ALKAL1: variants seen among roughly 807,000 people sequenced by gnomAD.
The protein encoded by ALKAL1 is AUG-beta.
In ALKAL1, 23 loss-of-function variants were observed where a neutral mutation model predicts 13.5. The observed-to-expected ratio is 1.70, with a 90% CI of 1.23 to 2.41. ALKAL1 has a LOEUF of 2.41. ALKAL1 is among the 30% of genes most tolerant of loss of function. The pLI, the probability that ALKAL1 is intolerant of heterozygous loss-of-function variation, is 0.00. For missense variants in ALKAL1, 181 were observed against 178.4 expected, an observed-to-expected ratio of 1.01 and a Z score of -0.08; for synonymous variants, 85 against 77.7, an observed-to-expected ratio of 1.09 and a Z score of -0.49.
At chr8:52,562,372 G>T (rs183450585) in intron 1 of ALKAL1, among the ~76,000 whole-genome samples, 1 of 152,270 alleles carries the variant, frequency 6.6e-6, no homozygotes, top group East Asian at 1.9e-4. Context: ...AAGCACAATG[G>T]TCAACAATGT....
intron 1 of ALKAL1, among the ~76,000 whole-genome samples, chr8:52,552,086 C>T (rs773366233): frequency 3.3e-5 from 5 of 152,140 alleles, no homozygotes; most frequent in Non-Finnish European, 7.3e-5. Context: ...TGCACTTAGT[C>T]ATCATGTCTC....
chr8:52,540,374 T>G (rs1261477894), intron 2 of ALKAL1, among the ~76,000 whole-genome samples: 1 of 152,136 alleles, frequency 6.6e-6, no homozygotes, highest in Non-Finnish European at 1.5e-5. Context: ...AATTGTAAAA[T>G]GAGCAGGGCC....
At chr8:52,559,900 G>A (rs1847522401) in intron 1 of ALKAL1, among the ~76,000 whole-genome samples, 1 of 151,980 alleles carries the variant, frequency 6.6e-6, no homozygotes. Context: ...AATTATTTTA[G>A]TTTCAAAGTT....
intron 2 of ALKAL1, among the ~76,000 whole-genome samples, chr8:52,540,840 G>A (rs144291690): frequency 1.0e-3 from 159 of 152,198 alleles, no homozygotes; most frequent in African/African-American, 3.6e-3. Context: ...CAACTGCCTC[G>A]AAAGGCTCAA....
chr8:52,560,353 C>T lies in ALKAL1; in HGVS notation c.190+4714G>A, dbSNP rs139272910. ...GGAGTTATAAGAAATATTTAAACTC[C>T]AGACACTCTACTTACTACCCACTAC... On this transcript the variant is annotated intron_variant, in intron 1 of 4. Coordinates refer to ENST00000358543, the MANE Select transcript of ALKAL1 (RefSeq NM_207413.4). 4.5e-4 allele frequency among the ~76,000 whole-genome samples: 68 copies of T among 152,132 alleles called. 1 individual carries two copies. Among genetic ancestry groups the T allele is most frequent in the African/African-American group, 1.6e-3 (67 of 41,500 alleles).
chr8:52,539,133 C>T (rs1432464903), intron 3 of ALKAL1, among the ~76,000 whole-genome samples: 1 of 152,008 alleles, frequency 6.6e-6, no homozygotes, highest in Admixed American at 6.6e-5. Flanking sequence ...ATAACAAATA[C>T]AACTTAACAT....
intron 4 of ALKAL1, among the ~76,000 whole-genome samples, chr8:52,535,260 A>G (rs1281326025): frequency 6.6e-6 from 1 of 152,108 alleles, no homozygotes; most frequent in Non-Finnish European, 1.5e-5. Flanking sequence ...TGTTCAAAAG[A>G]GTTGAGGCCA....
At chr8:52,542,931 C>T (rs1208901753) in intron 1 of ALKAL1, among the ~76,000 whole-genome samples, 1 of 152,254 alleles carries the variant, frequency 6.6e-6, no homozygotes, top group African/African-American at 2.4e-5. Context: ...CCCAAGCCAT[C>T]GTCCTTTTGT....
At chr8:52,557,462 T>G (rs762526828) in intron 1 of ALKAL1, among the ~76,000 whole-genome samples, 1 of 152,230 alleles carries the variant, frequency 6.6e-6, no homozygotes, top group Non-Finnish European at 1.5e-5. Flanking sequence ...GTCAATAAAC[T>G]TTTTACAAAA....
At position 52,565,125 on chromosome 8, in the gene ALKAL1, C is replaced by G; in HGVS notation, c.132G>C (p.Pro44=). ...CCCCGGCCGCGGGGAGGAAAAGCAA[C>G]GGCTTGGGCTCCTTATCCGTGACGC... is the stretch of plus-strand genomic sequence containing the variant. ...GARVTDKEPK[P]LLFLPAAGAG... Residue 44 remains proline (P), a synonymous_variant, in exon 1 of 5, where the codon CCG becomes CCC. Transcript: ENST00000358543. 1 of 1,414,268 alleles carries G rather than the reference C, an allele frequency of 7.1e-7. No homozygotes were observed. The highest frequency in any genetic ancestry group is 9.3e-7 in the Non-Finnish European group (1 of 1,077,726). The allele number at this position is 1,414,268 out of a possible 1,614,324, so 87.6% of individuals were successfully genotyped here.
chr8:52,544,137 T>C (rs1477487885), intron 1 of ALKAL1, among the ~76,000 whole-genome samples: 1 of 152,076 alleles, frequency 6.6e-6, no homozygotes, highest in Non-Finnish European at 1.5e-5. Flanking sequence ...CAGAGGCACC[T>C]GGCACATGTT....
At chr8:52,546,355 T>C (rs1590866882) in intron 1 of ALKAL1, among the ~76,000 whole-genome samples, 1 of 152,230 alleles carries the variant, frequency 6.6e-6, no homozygotes, top group Non-Finnish European at 1.5e-5. Flanking sequence ...ACAGATACTA[T>C]GGCTCACTGT....
intron 1 of ALKAL1, among the ~76,000 whole-genome samples, chr8:52,557,776 G>A (rs1410439644): frequency 1.3e-5 from 2 of 152,132 alleles, no homozygotes; most frequent in Admixed American, 1.3e-4. Context: ...CTTGAGGTCA[G>A]GAGTTTGAGA....
chr8:52,543,415 TC>T (rs1242660825), intron 1 of ALKAL1, among the ~76,000 whole-genome samples: 1 of 152,152 alleles, frequency 6.6e-6, no homozygotes, highest in Admixed American at 6.5e-5. Flanking sequence ...TTCTAACTGT[TC>T]CTTACATGCC....
intron 4 of ALKAL1, among the ~76,000 whole-genome samples, chr8:52,536,839 T>C (rs1429393412): frequency 6.6e-6 from 1 of 152,208 alleles, no homozygotes; most frequent in African/African-American, 2.4e-5. Context: ...GGTAAGGTTG[T>C]CAAAAAACTA....
chr8:52,536,233 C>G (rs1847265976), intron 4 of ALKAL1, among the ~76,000 whole-genome samples: 1 of 152,162 alleles, frequency 6.6e-6, no homozygotes, highest in African/African-American at 2.4e-5. Flanking sequence ...GCCACCATGC[C>G]CAGCCATCCT....
chr8:52,537,953 G>A (rs1050327019), intron 4 of ALKAL1, among the ~76,000 whole-genome samples: 51 of 151,968 alleles, frequency 3.4e-4, no homozygotes, highest in African/African-American at 1.1e-3. Flanking sequence ...AAAATTAGCC[G>A]GGCATGGTGG....
Position 52,534,339 on chromosome 8 carries a change from T to C in ALKAL1, c.*274A>G, listed in dbSNP as rs1398639868. On this transcript the variant is annotated 3_prime_UTR_variant, in exon 5 of 5. Transcript: ENST00000358543. ...AATAATATATCTAGTAAAAATAAAA[T>C]ACAATCACACAATTTTTAATATCTA... The C allele has an allele frequency of 1.3e-5, 4 of 302,938 alleles. No homozygotes were observed. Among genetic ancestry groups the C allele is most frequent in the Non-Finnish European group, 1.2e-5 (2 of 168,286 alleles). 18.8% of individuals were successfully genotyped at this position (302,938 alleles called of 1,614,324 possible). A position where few individuals can be genotyped will look rare whatever the true frequency, so the allele number is the denominator to read the frequency against.
Position 52,534,432 on chromosome 8 carries a change from G to T in ALKAL1, c.*181C>A, listed in dbSNP as rs529804728. On this transcript the variant is annotated 3_prime_UTR_variant, in exon 5 of 5. Transcript: ENST00000358543. The stretch of plus-strand genomic sequence containing the variant: ...ATTACTGTATACACAAAAAGATAAA[G>T]CAAGAAAGACTCCATTCTATGACAG... 1 of 412,388 alleles carries T rather than the reference G, an allele frequency of 2.4e-6. No individual in the cohort carries two copies. Among genetic ancestry groups the T allele is most frequent in the African/African-American group, 2.0e-5 (1 of 48,810 alleles). The allele number at this position is 412,388 out of a possible 1,614,324, so 25.5% of individuals were successfully genotyped here.
Sources: allele counts gnomAD v4.1 joint callset (sites outside exome capture counted in the v4.1 genomes callset), GRCh38; gene constraint gnomAD v4.1.1; transcripts MANE v1.5; gene names NCBI Gene and HGNC (gene_info 2026-07-23, HGNC 2026-07-21).